CPA6: variants seen among roughly 807,000 people sequenced by gnomAD.
CPA6 encodes carboxypeptidase B.
In CPA6, 58 loss-of-function variants were observed where a neutral mutation model predicts 63.3. The ratio of observed to expected loss-of-function variants is 0.92; its 90% CI spans 0.74 to 1.14. The LOEUF (loss-of-function observed/expected upper bound fraction) is 1.14, where lower values mean the gene tolerates loss of function less well. Among genes scored for constraint, CPA6 ranks in the 50% most tolerant of loss-of-function variants. CPA6 has a pLI of 0.00. For synonymous variants in CPA6, 185 were observed against 179.0 expected (o/e 1.03, Z -0.27); for missense variants, 565 against 526.6 (o/e 1.07, Z -0.71).
intron 8 of CPA6, among the ~76,000 whole-genome samples, chr8:67,468,765 C>G (rs113532950): frequency 6.6e-6 from 1 of 152,090 alleles, no homozygotes; most frequent in Admixed American, 6.6e-5. Flanking sequence ...CACAGCTCAG[C>G]GTGGCATGGA....
chr8:67,738,759 C>T (rs573125031), intron 1 of CPA6, among the ~76,000 whole-genome samples: 48 of 48,820 alleles, frequency 9.8e-4, no homozygotes, highest in South Asian at 4.0e-3. Context: ...CTTTGTATTA[C>T]GCATTAAAGC....
At chr8:67,475,889 T>TCTTTCTC (rs1563968088) in intron 8 of CPA6, among the ~76,000 whole-genome samples, 6 of 54,608 alleles carry the variant, frequency 1.1e-4, no homozygotes, top group South Asian at 5.6e-4. Flanking sequence ...CTCCTTTCTT[T>TCTTTCTC]CTTTCTTTCT....
chr8:67,459,087 T>G (rs1810741205), intron 8 of CPA6, among the ~76,000 whole-genome samples: 1 of 152,242 alleles, frequency 6.6e-6, no homozygotes, highest in Admixed American at 6.5e-5. Context: ...AGCATGCACA[T>G]GGACACATGG....
At chr8:67,719,994 C>A (rs1420242236) in intron 1 of CPA6, among the ~76,000 whole-genome samples, 1 of 152,046 alleles carries the variant, frequency 6.6e-6, no homozygotes, top group African/African-American at 2.4e-5. Flanking sequence ...AAGAGACCAC[C>A]AAACAGGCTT....
intron 2 of CPA6, among the ~76,000 whole-genome samples, chr8:67,573,103 G>C (rs1016076547): frequency 2.6e-5 from 4 of 152,078 alleles, no homozygotes; most frequent in Admixed American, 6.6e-5. Context: ...CAACAAATTA[G>C]GTATAGATAA....
intron 1 of CPA6, among the ~76,000 whole-genome samples, chr8:67,650,100 G>A (rs952569460): frequency 6.6e-6 from 1 of 151,952 alleles, no homozygotes; most frequent in African/African-American, 2.4e-5. Flanking sequence ...TGTGGTTTAG[G>A]GCTTTAAGAC....
At chr8:67,555,204 C>T (rs138793707) in intron 2 of CPA6, among the ~76,000 whole-genome samples, 1 of 152,136 alleles carries the variant, frequency 6.6e-6, no homozygotes, top group East Asian at 1.9e-4. Flanking sequence ...TGGGGAGGAC[C>T]CTAGATAGCT....
At chr8:67,531,125 G>C (rs1812468935) in intron 2 of CPA6, among the ~76,000 whole-genome samples, 1 of 152,146 alleles carries the variant, frequency 6.6e-6, no homozygotes, top group Non-Finnish European at 1.5e-5. Context: ...TCTTGGAATA[G>C]TTGAAGATAT....
At chr8:67,595,282 C>G (rs1298820709) in intron 2 of CPA6, among the ~76,000 whole-genome samples, 1 of 152,202 alleles carries the variant, frequency 6.6e-6, no homozygotes, top group Non-Finnish European at 1.5e-5. Context: ...AGGTGTCAGT[C>G]TGCCCCTGCT....
intron 1 of CPA6, among the ~76,000 whole-genome samples, chr8:67,725,383 C>A (rs544602733): frequency 2.6e-5 from 4 of 152,162 alleles, no homozygotes; most frequent in Non-Finnish European, 5.9e-5. Flanking sequence ...TCAGTATATG[C>A]TGTTGTTGGT....
chr8:67,667,578 G>C (rs7834078), intron 1 of CPA6, among the ~76,000 whole-genome samples: 61,244 of 151,922 alleles, frequency 0.4, 13,941 homozygotes, highest in African/African-American at 0.63. Context: ...CATTTCCTCT[G>C]ATTTTGCAGA....
chr8:67,545,832 G>A (rs1812807215), intron 2 of CPA6, among the ~76,000 whole-genome samples: 1 of 151,942 alleles, frequency 6.6e-6, no homozygotes, highest in African/African-American at 2.4e-5. Flanking sequence ...CAAAGTGCTG[G>A]GATTACAGGC....
At chr8:67,663,054 A>G (rs1179809521) in intron 1 of CPA6, among the ~76,000 whole-genome samples, 1 of 152,174 alleles carries the variant, frequency 6.6e-6, no homozygotes, top group East Asian at 1.9e-4. Context: ...ACCCTCCAGA[A>G]GACGTCATGG....
rs144714513 is a variant in CPA6 at position 67,449,405 on chromosome 8, C to T, written c.839-15165G>A. 4.8e-4 allele frequency among the ~76,000 whole-genome samples: 73 copies of T among 152,326 alleles called. No homozygotes were observed. In the East Asian group the frequency reaches 0.013, roughly 27 times the overall value. On this transcript the variant is annotated intron_variant, in intron 8 of 10. Transcript: ENST00000297770. ...ATACAGGCAAGAGACAGTTCCCTTG[C>T]TACTCTTTTTACAGTTTTATCAGCT...
chr8:67,466,032 C>A (rs183134905), intron 8 of CPA6, among the ~76,000 whole-genome samples: 54 of 150,542 alleles, frequency 3.6e-4, no homozygotes, highest in African/African-American at 1.3e-3. Context: ...AGAATTGGTA[C>A]CAGCTCTTCT....
In CPA6 at chr8:67,422,446, A is replaced by G. The variant is rs1809783965; in HGVS notation, c.*58T>C. The G allele has an allele frequency of 6.8e-7, 1 of 1,466,178 alleles. No individual in the cohort carries two copies. The highest frequency in any genetic ancestry group is 9.4e-7 in the Non-Finnish European group (1 of 1,068,146). The allele number at this position is 1,466,178 out of a possible 1,614,324, so 90.8% of individuals were successfully genotyped here. A position where few individuals can be genotyped will look rare whatever the true frequency, so the allele number is the denominator to read the frequency against. On this transcript the variant is annotated 3_prime_UTR_variant, in exon 11 of 11. Transcript: ENST00000297770. Reference sequence around the variant, plus strand: ...TTCTCTTTGAAAACAATTTCTATCCAGGGCCAAGTAGGCCTTGCTCAGAAT... The same window carrying G: ...TTCTCTTTGAAAACAATTTCTATCCGGGGCCAAGTAGGCCTTGCTCAGAAT...
At chr8:67,655,964 G>T (rs551503839) in intron 1 of CPA6, among the ~76,000 whole-genome samples, 112 of 152,142 alleles carry the variant, frequency 7.4e-4, no homozygotes, top group African/African-American at 2.7e-3. Context: ...TCCTTACCTG[G>T]ACGTAAAATA....
chr8:67,461,007 G>A (rs1042668331), intron 8 of CPA6, among the ~76,000 whole-genome samples: 2 of 151,596 alleles, frequency 1.3e-5, no homozygotes, highest in African/African-American at 2.4e-5. Flanking sequence ...GCTAGTGAGC[G>A]GAGGCGTGAG....
intron 6 of CPA6, among the ~76,000 whole-genome samples, chr8:67,500,351 C>T (rs1811806423): frequency 6.6e-6 from 1 of 151,914 alleles, no homozygotes. Flanking sequence ...GGTTCAATGT[C>T]TCTTCATGTC....
Sources: allele counts gnomAD v4.1 joint callset (sites outside exome capture counted in the v4.1 genomes callset), GRCh38; gene constraint gnomAD v4.1.1; transcripts MANE v1.5; gene names NCBI Gene and HGNC (gene_info 2026-07-23, HGNC 2026-07-21).